Variants in RBM44 observed in about 807,000 individuals in gnomAD.
The protein encoded by RBM44 is RNA binding motif protein 44.
A neutral mutation model predicts 105.1 loss-of-function variants in RBM44; 66 were observed. That is an observed-to-expected ratio of 0.63 (90% confidence interval 0.52 to 0.77). RBM44 has a LOEUF of 0.77. RBM44 is among the 30% of genes least tolerant of loss of function. RBM44 has a pLI of 0.00. For synonymous variants in RBM44, 365 were observed against 417.6 expected (o/e 0.87, Z 1.54); for missense variants, 1,122 against 1,207.8 (o/e 0.93, Z 1.05).
At chr2:237,801,060 G>C (rs999564186) in intron 1 of RBM44, among the ~76,000 whole-genome samples, 2 of 152,154 alleles carry the variant, frequency 1.3e-5, no homozygotes, top group Non-Finnish European at 2.9e-5. Flanking sequence ...AGCGGGCTGG[G>C]TGCAGTGGTT....
chr2:237,821,753 GC>G lies in RBM44; in HGVS notation c.2132del (p.Ala711GlufsTer19). The G allele has an allele frequency of 6.2e-7, 1 of 1,608,738 alleles. No homozygotes were observed. The highest frequency in any genetic ancestry group is 8.5e-7 in the Non-Finnish European group (1 of 1,176,248). Reference sequence around the variant, plus strand: ...AAATGTTCTTTTTAGCTTTTCAGAAGCAGATGCTGAACAAGATAATCAGAGG... The same window carrying G: ...AAATGTTCTTTTTAGCTTTTCAGAAGAGATGCTGAACAAGATAATCAGAGG... The part of the protein sequence containing the change: ...MKKETHVFSE[A>X]DAEQDNQRAH... On this transcript the variant is annotated frameshift_variant, in exon 8 of 16. Coordinates refer to ENST00000316997, the MANE Select transcript of RBM44 (RefSeq NM_001080504.3). LOFTEE classifies it high-confidence loss of function.
In RBM44 at chr2:237,821,142, T is replaced by C; in HGVS notation, c.1985T>C (p.Val662Ala). The C allele has an allele frequency of 6.2e-7, 1 of 1,611,422 alleles. No homozygotes were observed. The highest frequency in any genetic ancestry group is 8.5e-7 in the Non-Finnish European group (1 of 1,178,716). Reference protein sequence around the residue: ...ALLSLLGDLKVRYVTLKEKIH... With the variant: ...ALLSLLGDLKARYVTLKEKIH... ...CTGTCTCTTTTGGGGGACTTAAAAG[T>C]TAGATATGTGACTTTGAAAGAAAAA... is the stretch of plus-strand genomic sequence containing the variant. The change falls in exon 6 of 16, where the codon GTT becomes GCT. Residue 662 changes from valine to alanine, a missense_variant. Val to Ala is a moderately conservative substitution (Grantham distance 64). Coordinates refer to ENST00000316997, the MANE Select transcript of RBM44 (RefSeq NM_001080504.3).
chr2:237,802,516 T>C (rs140094461), intron 1 of RBM44, among the ~76,000 whole-genome samples: 13 of 152,190 alleles, frequency 8.5e-5, no homozygotes, highest in Non-Finnish European at 5.9e-5. Context: ...TTGTGGACTG[T>C]TGTCCTCGAG....
In RBM44 at chr2:237,803,570, C is replaced by T. The variant is rs1175997050; in HGVS notation, c.-19+4709C>T. Among the ~76,000 whole-genome samples, 1 of 152,142 alleles carries T rather than the reference C, an allele frequency of 6.6e-6. No homozygotes were observed. The highest frequency in any genetic ancestry group is 2.4e-5 in the African/African-American group (1 of 41,418). On this transcript the variant is annotated intron_variant, in intron 1 of 15. Coordinates refer to ENST00000316997, the MANE Select transcript of RBM44 (RefSeq NM_001080504.3). This position sits in a 1 kb window ranked among gnomAD's most constrained non-coding sequence, Gnocchi z 4.2. ...TGGATTGTGAATACTTTATTCCAGT[C>T]TTTGGCTTGTGTTTCCATTTTTTAA...
rs1001216810 is a variant in RBM44, at chr2:237,842,599, G to A, written c.*783G>A. ...ATCTGATAGAAATATAGAATAGATA[G>A]TTCTTTAATTGCTTACTTTTTAAAA... On this transcript the variant is annotated 3_prime_UTR_variant, in exon 16 of 16. Transcript: ENST00000316997. The A allele has an allele frequency of 6.6e-6, 1 of 152,122 alleles. No individual in the cohort carries two copies. Among genetic ancestry groups the A allele is most frequent in the Non-Finnish European group, 1.5e-5 (1 of 67,936 alleles). The allele number at this position is 152,122 out of a possible 1,614,324, so 9.4% of individuals were successfully genotyped here.
rs777310870 is a variant in RBM44, at chr2:237,817,194, C to G, written c.275C>G (p.Thr92Ser). The G allele has an allele frequency of 1.2e-5, 19 of 1,601,494 alleles. No individual in the cohort carries two copies. The highest frequency in any genetic ancestry group is 1.7e-4 in the Middle Eastern group (1 of 5,986). ...SVSQDTNTES[T>S]QFQSSELEDS... ...AGTCAAGATACTAACACAGAGAGTA[C>G]TCAGTTTCAGTCAAGTGAACTTGAA... Residue 92 changes from threonine to serine, a missense_variant, in exon 3 of 16, where the codon ACT becomes AGT. Coordinates refer to ENST00000316997, the MANE Select transcript of RBM44 (RefSeq NM_001080504.3).
chr2:237,840,099 G>T (rs760095192), intron 15 of RBM44, among the ~76,000 whole-genome samples: 1 of 146,906 alleles, frequency 6.8e-6, no homozygotes, highest in Non-Finnish European at 1.5e-5. Context: ...TGAAGTGAAG[G>T]ATCCCTTGAG....
intron 1 of RBM44, among the ~76,000 whole-genome samples, chr2:237,812,263 CAT>C (rs1183909675): frequency 6.6e-6 from 1 of 152,160 alleles, no homozygotes; most frequent in Non-Finnish European, 1.5e-5. Flanking sequence ...TAACTAATTA[CAT>C]TTTAAACTTT....
intron 1 of RBM44, 183 bp downstream of exon 1, chr2:237,799,044 G>A (rs907564448): frequency 3.3e-5 from 5 of 152,104 alleles, no homozygotes; most frequent in Admixed American, 2.0e-4. Context: ...GAGGCGGGCG[G>A]GGGACTGGCG....
rs541959034 is a variant in RBM44 at position 237,832,103 on chromosome 2, A to G, written c.2887-1894A>G. Among the ~76,000 whole-genome samples the G allele has an allele frequency of 2.1e-4, 31 of 149,808 alleles. No homozygotes were observed. In the East Asian group the frequency reaches 5.9e-3, roughly 28 times the overall value. ...GCTTGATTCTAACTCTGTATTTTCA[A>G]TTCAAGTCCCTGTGATTTGAGTAAT... On this transcript the variant is annotated intron_variant, in intron 13 of 15. Transcript: ENST00000316997.
chr2:237,830,606 T>G (rs1303087883), intron 13 of RBM44, among the ~76,000 whole-genome samples: 1 of 152,218 alleles, frequency 6.6e-6, no homozygotes, highest in African/African-American at 2.4e-5. Context: ...ATTGTTTATT[T>G]GCATTTGTTT....
In RBM44 at chr2:237,803,394, A is replaced by G. The variant is rs2061567314; in HGVS notation, c.-19+4533A>G. Among the ~76,000 whole-genome samples the G allele has an allele frequency of 6.6e-6, 1 of 152,118 alleles. No homozygotes were observed. ...ACACACACAAATTTTAAGCCATTCT[A>G]ATGAATGTGAAGTGGTACCGTGGTT... On this transcript the variant is annotated intron_variant, in intron 1 of 15. Coordinates refer to ENST00000316997, the MANE Select transcript of RBM44 (RefSeq NM_001080504.3). The surrounding 1 kb of genome is among the most constrained non-coding windows in gnomAD (Gnocchi z 4.2).
chr2:237,823,404 G>C, intron 8 of RBM44, 36 bp from the exon 9 acceptor site: 1 of 912,730 alleles, frequency 1.1e-6, no homozygotes, highest in Middle Eastern at 2.2e-4. Context: ...ATAATTATTT[G>C]CCCTTATTTA....
At chr2:237,833,035 C>T (rs2061918371) in intron 13 of RBM44, among the ~76,000 whole-genome samples, 1 of 152,192 alleles carries the variant, frequency 6.6e-6, no homozygotes. Flanking sequence ...AATTTGGCTT[C>T]TTTCTTGGAG....
chr2:237,819,213 A>G (rs2061756537), intron 4 of RBM44, among the ~76,000 whole-genome samples: 1 of 152,082 alleles, frequency 6.6e-6, no homozygotes, highest in South Asian at 2.1e-4. Context: ...ACCCAAATCC[A>G]TACTGATTTA....
In RBM44 at chr2:237,816,979, C is replaced by CT. The variant is rs777732399; in HGVS notation, c.74-7dup. On this transcript the variant is annotated splice_polypyrimidine_tract_variant and intron_variant, in intron 2 of 15. Coordinates refer to ENST00000316997, the MANE Select transcript of RBM44 (RefSeq NM_001080504.3). ...TAATGTTGCTGTTAATGTTTTTATC[C>CT]TTTTTTTAATCAGATAAACCTTCAA... 5 of 1,426,776 alleles carry CT rather than the reference C, an allele frequency of 3.5e-6. No individual in the cohort carries two copies. The highest frequency in any genetic ancestry group is 4.7e-6 in the Non-Finnish European group (5 of 1,063,432). The allele number at this position is 1,426,776 out of a possible 1,614,324, so 88.4% of individuals were successfully genotyped here.
At chr2:237,799,463 T>A (rs1415440839) in intron 1 of RBM44, 1 of 152,234 alleles carries the variant, frequency 6.6e-6, no homozygotes, top group Non-Finnish European at 1.5e-5. Context: ...GGCCTGACTT[T>A]TTGCATTTTT....
rs914588836 is a variant in RBM44, at chr2:237,820,213, C to T, written c.1775C>T (p.Pro592Leu). Residue 592 changes from proline (P) to leucine (L), a missense_variant, in exon 5 of 16, where the codon CCA becomes CTA. Coordinates refer to ENST00000316997, the MANE Select transcript of RBM44 (RefSeq NM_001080504.3). ...QLFKDTEKDLPSMCCQKIMQR... is the reference protein window; with the variant it reads ...QLFKDTEKDLLSMCCQKIMQR... Reference sequence around the variant, plus strand: ...TTTAAAGATACAGAGAAGGATTTGCCATCAATGTGCTGTCAGAAGATAATG... The same window carrying T: ...TTTAAAGATACAGAGAAGGATTTGCTATCAATGTGCTGTCAGAAGATAATG... 11 of 1,566,116 alleles carry T rather than the reference C, an allele frequency of 7.0e-6. No individual in the cohort carries two copies. The highest frequency in any genetic ancestry group is 1.7e-4 in the Middle Eastern group (1 of 5,984).
At chr2:237,816,298 A>G (rs889497810) in intron 2 of RBM44, among the ~76,000 whole-genome samples, 8 of 152,096 alleles carry the variant, frequency 5.3e-5, no homozygotes, top group Non-Finnish European at 7.4e-5. Context: ...TGAAAACTAT[A>G]AGCACTTGGG....
Sources: allele counts gnomAD v4.1 joint callset (sites outside exome capture counted in the v4.1 genomes callset), GRCh38; gene constraint gnomAD v4.1.1; non-coding constraint Gnocchi (gnomAD v3.1); transcripts MANE v1.5; gene names NCBI Gene and HGNC (gene_info 2026-07-23, HGNC 2026-07-21).